Variants in DYSF observed in about 807,000 individuals in gnomAD.
DYSF encodes dystrophy-associated fer-1-like 1.
A neutral mutation model predicts 274.9 loss-of-function variants in DYSF; 212 were observed. The observed-to-expected ratio is 0.77, with a 90% CI of 0.69 to 0.86. The LOEUF (loss-of-function observed/expected upper bound fraction) is 0.86, where lower values mean the gene tolerates loss of function less well. DYSF is among the 40% of genes least tolerant of loss of function. The probability of loss-of-function intolerance (pLI) is 0.00; values close to 1 mark genes in which losing one functional copy is unlikely to be tolerated. For synonymous variants in DYSF, 1,091 were observed against 1,078.7 expected, an observed-to-expected ratio of 1.01 and a Z score of -0.22; for missense variants, 2,666 against 2,783.2, an observed-to-expected ratio of 0.96 and a Z score of 0.95.
intron 43 of DYSF, among the ~76,000 whole-genome samples, chr2:71,657,840 G>T (rs1276903951): frequency 1.3e-5 from 2 of 152,128 alleles, no homozygotes; most frequent in Non-Finnish European, 2.9e-5. Context: ...TTCCTCCTGG[G>T]CTTCTGGGCC....
At chr2:71,587,319 A>AG (rs2093104455) in intron 30 of DYSF, among the ~76,000 whole-genome samples, 1 of 152,136 alleles carries the variant, frequency 6.6e-6, no homozygotes, top group Non-Finnish European at 1.5e-5. Context: ...AGAGCGAGAG[A>AG]GGGGGAAAGA....
intron 16 of DYSF, among the ~76,000 whole-genome samples, chr2:71,537,404 C>T (rs2089491371): frequency 6.6e-6 from 1 of 151,520 alleles, no homozygotes; most frequent in African/African-American, 2.4e-5. Context: ...CACCACCACC[C>T]CTGGCTAATT....
At chr2:71,567,858 C>T in intron 24 of DYSF, 93 bp from the exon 25 acceptor site, 2 of 1,555,470 alleles carry the variant, frequency 1.3e-6, no homozygotes, top group South Asian at 2.4e-5. Flanking sequence ...GCCTGCTCTA[C>T]CCAGGCTTGG....
At chr2:71,663,662 T>G (rs527403124) in intron 45 of DYSF, among the ~76,000 whole-genome samples, 2 of 152,178 alleles carry the variant, frequency 1.3e-5, no homozygotes, top group Non-Finnish European at 2.9e-5. Context: ...TTGATGCACA[T>G]GGTAGATGGA....
At chr2:71,545,490 C>T (rs1173328922) in intron 17 of DYSF, among the ~76,000 whole-genome samples, 3 of 152,178 alleles carry the variant, frequency 2.0e-5, no homozygotes, top group Non-Finnish European at 4.4e-5. Flanking sequence ...GGCCCCTTCA[C>T]TAATTGCTGT....
At chr2:71,649,955 A>G (rs1377172114) in intron 42 of DYSF, among the ~76,000 whole-genome samples, 1 of 152,226 alleles carries the variant, frequency 6.6e-6, no homozygotes, top group Non-Finnish European at 1.5e-5. Flanking sequence ...ATATTAGATG[A>G]GAGGGTATTC....
chr2:71,534,912 T>A, intron 14 of DYSF, 109 bp from the exon 15 acceptor site: 1 of 1,210,408 alleles, frequency 8.3e-7, no homozygotes, highest in South Asian at 1.2e-5. Context: ...CACCCAGCCC[T>A]AAGGGCAGCC....
chr2:71,501,215 G>C (rs956621996), intron 3 of DYSF, among the ~76,000 whole-genome samples: 18 of 152,110 alleles, frequency 1.2e-4, no homozygotes, highest in African/African-American at 4.3e-4. Flanking sequence ...TTGAATATTA[G>C]TGAATATCTC....
chr2:71,608,551 C>G (rs1479278337), intron 36 of DYSF, among the ~76,000 whole-genome samples: 1 of 152,136 alleles, frequency 6.6e-6, no homozygotes, highest in East Asian at 1.9e-4. Flanking sequence ...TTCCTTCTGC[C>G]TCCGCTGGGC....
At chr2:71,464,009 CGTT>C (rs1415842965), upstream of DYSF, among the ~76,000 whole-genome samples, 2 of 152,084 alleles carry the variant, frequency 1.3e-5, no homozygotes, top group African/African-American at 4.8e-5. Flanking sequence ...CTAGAGAAGG[CGTT>C]GTGATGAGAA....
intron 14 of DYSF, among the ~76,000 whole-genome samples, chr2:71,532,633 C>A (rs1190343976): frequency 6.6e-6 from 1 of 152,050 alleles, no homozygotes; most frequent in African/African-American, 2.4e-5. Flanking sequence ...GAAGTGTTTG[C>A]GATGGAGGAG....
intron 41 of DYSF, among the ~76,000 whole-genome samples, chr2:71,633,056 A>C (rs1331375417): frequency 6.6e-6 from 1 of 152,224 alleles, no homozygotes; most frequent in Non-Finnish European, 1.5e-5. Flanking sequence ...CCCTCCACAG[A>C]TGAGGAGGCT....
chr2:71,495,253 TTGAA>T (rs141883838), intron 3 of DYSF, among the ~76,000 whole-genome samples: 2 of 152,044 alleles, frequency 1.3e-5, no homozygotes, highest in Non-Finnish European at 2.9e-5. Flanking sequence ...TACATATTTG[TTGAA>T]TGAATGAATG....
At chr2:71,589,503 T>C in intron 30 of DYSF, 90 bp from the exon 31 acceptor site, 1 of 1,015,808 alleles carries the variant, frequency 9.8e-7, no homozygotes, top group Non-Finnish European at 1.6e-6. Context: ...AGAGATCTCC[T>C]GGCCCTGGGG....
intron 1 of DYSF, among the ~76,000 whole-genome samples, chr2:71,477,383 A>G (rs1043727203): frequency 4.6e-5 from 7 of 152,142 alleles, no homozygotes; most frequent in Non-Finnish European, 1.0e-4. Flanking sequence ...TCATGAGGAA[A>G]GTTCATTGGG....
rs773406325 is a variant in DYSF at position 71,574,356 on chromosome 2, C to T, written c.3387C>T (p.Ala1129=). ...LEKTGPAAVF[A]LEGALGGVMD... ...AGACGGGGCCTGCAGCTGTGTTTGC[C>T]CTTGAGGGGGCCCTGGTATGTGGGG... is the stretch of plus-strand genomic sequence containing the variant. The change falls in exon 30 of 56, where the codon GCC becomes GCT. Residue 1129 remains alanine, a synonymous_variant. Transcript: ENST00000410020. The T allele has an allele frequency of 1.9e-6, 3 of 1,613,712 alleles. No individual in the cohort carries two copies.
In DYSF at chr2:71,669,471, G is replaced by A. The variant is rs1393849294; in HGVS notation, c.5643-134G>A. 4.3e-6 allele frequency: 5 copies of A among 1,163,998 alleles called. No homozygotes were observed. The African/African-American group carries it at 6.1e-5, about 14-fold the overall frequency. The allele number at this position is 1,163,998 out of a possible 1,614,324, so 72.1% of individuals were successfully genotyped here. ...AAATTTATGGCACATTTTGTACATC[G>A]TGCCGATTTCCTGGGAATTCTTTTT... On this transcript the variant is annotated intron_variant, in intron 50 of 55. Coordinates refer to ENST00000410020, the MANE Select transcript of DYSF (RefSeq NM_001130987.2).
intron 17 of DYSF, among the ~76,000 whole-genome samples, chr2:71,550,473 G>A (rs1325948032): frequency 1.3e-5 from 2 of 152,224 alleles, no homozygotes; most frequent in Non-Finnish European, 2.9e-5. Flanking sequence ...GTATGTGCCT[G>A]GGGGCTACCC....
At chr2:71,539,078 GA>G (rs2089666057) in intron 16 of DYSF, 78 bp from the exon 17 acceptor site, 1 of 1,309,114 alleles carries the variant, frequency 7.6e-7, no homozygotes, top group African/African-American at 1.5e-5. Flanking sequence ...ATGTGTAACC[GA>G]GGCCGCATAC....
Sources: allele counts gnomAD v4.1 joint callset (sites outside exome capture counted in the v4.1 genomes callset), GRCh38; gene constraint gnomAD v4.1.1; transcripts MANE v1.5; gene names NCBI Gene and HGNC (gene_info 2026-07-23, HGNC 2026-07-21).